Variants in DHTKD1 observed in about 807,000 individuals in gnomAD.
DHTKD1 encodes dehydrogenase E1 and transketolase domain containing 1, also known as 2-oxoadipate dehydrogenase complex component E1.
A neutral mutation model predicts 101.8 loss-of-function variants in DHTKD1; 78 were observed. That is an observed-to-expected ratio of 0.77 (90% CI 0.64 to 0.93). The LOEUF (loss-of-function observed/expected upper bound fraction) is 0.93. Among genes scored for constraint, DHTKD1 ranks in the 40% least tolerant of loss-of-function variants. The pLI is 0.00. For synonymous variants in DHTKD1, 462 were observed against 450.3 expected, an observed-to-expected ratio of 1.03 and a Z score of -0.33; for missense variants, 1,223 against 1,161.7, an observed-to-expected ratio of 1.05 and a Z score of -0.77.
chr10:12,118,872 G>T lies in DHTKD1; in HGVS notation c.2526G>T (p.Pro842=). ...GAGTAGAGGAACTCTGCCCCTTCCC[G>T]TTGGATTCTTTACAGCAAGAGATGA... ...IIRVEELCPF[P]LDSLQQEMSK... Residue 842 remains proline (P), a synonymous_variant, in exon 15 of 17, where the codon CCG becomes CCT. Coordinates refer to ENST00000263035, the MANE Select transcript of DHTKD1 (RefSeq NM_018706.7). The T allele has an allele frequency of 6.2e-7, 1 of 1,605,004 alleles. No individual in the cohort carries two copies. Among genetic ancestry groups the T allele is most frequent in the South Asian group, 1.1e-5 (1 of 89,428 alleles).
intron 5 of DHTKD1, among the ~76,000 whole-genome samples, chr10:12,090,454 TCC>T (rs1832974848): frequency 6.8e-6 from 1 of 146,558 alleles, no homozygotes; most frequent in African/African-American, 2.5e-5. Context: ...CTTCCTTCCT[TCC>T]TTCCTTCCTT....
chr10:12,071,682 C>T (rs1832653032), intron 1 of DHTKD1, among the ~76,000 whole-genome samples: 2 of 152,132 alleles, frequency 1.3e-5, no homozygotes, highest in Non-Finnish European at 1.5e-5. Flanking sequence ...AATCCCCGCA[C>T]TTTGGGAGGC....
intron 11 of DHTKD1, 122 bp downstream of exon 11, chr10:12,106,518 C>T: frequency 7.8e-7 from 1 of 1,276,736 alleles, no homozygotes; most frequent in Non-Finnish European, 1.1e-6. Flanking sequence ...GCGGCGCCTC[C>T]AGGGAGTTGG....
At position 12,120,253 on chromosome 10, in the gene DHTKD1, C is replaced by A; in HGVS notation, c.2644C>A (p.Gln882Lys). The change falls in exon 16 of 17, where the codon CAG becomes AAG. Residue 882 changes from glutamine (Q) to lysine (K), a missense_variant. Gln to Lys is a moderately conservative substitution (Grantham distance 53). Coordinates refer to ENST00000263035, the MANE Select transcript of DHTKD1 (RefSeq NM_018706.7). ...GTTTGTTTCTCCAAGGTTTGAAAAG[C>A]AGCTGGCCTGCAAGGTAATCACACG... ...WSFVSPRFEK[Q>K]LACKLRLVGR... is the part of the protein sequence containing the mutation. The A allele has an allele frequency of 1.9e-6, 3 of 1,613,620 alleles. No homozygotes were observed. The highest frequency in any genetic ancestry group is 2.5e-6 in the Non-Finnish European group (3 of 1,179,686).
chr10:12,081,356 TA>T, intron 1 of DHTKD1, 115 bp from the exon 2 acceptor site: 1 of 719,840 alleles, frequency 1.4e-6, no homozygotes, highest in Non-Finnish European at 2.3e-6. Flanking sequence ...CTAAAATAAA[TA>T]AATAAATAAA....
chr10:12,111,853 C>T (rs1337425592), intron 12 of DHTKD1, among the ~76,000 whole-genome samples: 2 of 152,122 alleles, frequency 1.3e-5, no homozygotes, highest in Non-Finnish European at 2.9e-5. Context: ...ACTAAGGGCC[C>T]ATCTCAGACT....
intron 15 of DHTKD1, among the ~76,000 whole-genome samples, chr10:12,119,254 C>G (rs1254767941): frequency 6.7e-6 from 1 of 150,222 alleles, no homozygotes; most frequent in Admixed American, 6.7e-5. Context: ...TGCAGTGAGC[C>G]GAGATTGTGC....
At chr10:12,119,412 A>C (rs113754478) in intron 15 of DHTKD1, among the ~76,000 whole-genome samples, 8 of 149,768 alleles carry the variant, frequency 5.3e-5, no homozygotes, top group Non-Finnish European at 8.9e-5. Flanking sequence ...TCAGGAGATC[A>C]AGACCATCCT....
intron 7 of DHTKD1, 171 bp downstream of exon 7, chr10:12,094,442 C>T (rs1833038181): frequency 1.6e-6 from 1 of 644,302 alleles, no homozygotes; most frequent in South Asian, 1.9e-5. Context: ...CTCAAGTGAT[C>T]CTCTTGCCTC....
chr10:12,116,030 A>T (rs1017680624), intron 13 of DHTKD1, among the ~76,000 whole-genome samples: 2 of 151,388 alleles, frequency 1.3e-5, no homozygotes, highest in Non-Finnish European at 2.9e-5. Context: ...TCCTGGGTTC[A>T]AGCAATTCTC....
chr10:12,117,549 G>C (rs1833439325), intron 13 of DHTKD1, 124 bp from the exon 14 acceptor site: 1 of 687,572 alleles, frequency 1.5e-6, no homozygotes, highest in Non-Finnish European at 2.6e-6. Context: ...CGTCTATTAG[G>C]ACATGGGTCT....
intron 5 of DHTKD1, among the ~76,000 whole-genome samples, chr10:12,091,030 G>T (rs922622650): frequency 6.6e-6 from 1 of 151,886 alleles, no homozygotes; most frequent in Non-Finnish European, 1.5e-5. Flanking sequence ...CTCCCGCCTG[G>T]GCAACAGAGC....
At chr10:12,072,435 C>T (rs1326939684) in intron 1 of DHTKD1, among the ~76,000 whole-genome samples, 1 of 151,470 alleles carries the variant, frequency 6.6e-6, no homozygotes, top group Middle Eastern at 3.2e-3. Flanking sequence ...GCACTCCAGC[C>T]TGGGTGATAG....
At chr10:12,086,035 A>G (rs891312647) in intron 3 of DHTKD1, among the ~76,000 whole-genome samples, 1 of 151,474 alleles carries the variant, frequency 6.6e-6, no homozygotes, top group African/African-American at 2.4e-5. Context: ...ACACCCAGCT[A>G]ATTTTTGTAT....
At position 12,078,150 on chromosome 10, in the gene DHTKD1, C is replaced by G. The variant is rs138828498; in HGVS notation, c.155-3322C>G. 4.3e-3 allele frequency among the ~76,000 whole-genome samples: 653 copies of G among 152,108 alleles called. 7 individuals carry two copies. The highest frequency in any genetic ancestry group is 0.012 in the African/African-American group (492 of 41,528). On this transcript the variant is annotated intron_variant, in intron 1 of 16. Coordinates refer to ENST00000263035, the MANE Select transcript of DHTKD1 (RefSeq NM_018706.7). The stretch of plus-strand genomic sequence containing the variant: ...TTAGAAATAGAAGCAGTGGGCCAGT[C>G]ACAGTGGCTCATGCCTGTAATCTCA...
Position 12,119,832 on chromosome 10 carries a change from A to G in DHTKD1, c.2573-350A>G, listed in dbSNP as rs115618118. The stretch of plus-strand genomic sequence containing the variant: ...TGTGTACCCCAGAACTTAAAAAAGA[A>G]AAAAGAAAATGCATTGAATACACCT... On this transcript the variant is annotated intron_variant, in intron 15 of 16. Coordinates refer to ENST00000263035, the MANE Select transcript of DHTKD1 (RefSeq NM_018706.7). Among the ~76,000 whole-genome samples, 662 of 152,236 alleles carry G rather than the reference A, an allele frequency of 4.3e-3. 9 individuals carry two copies. Among genetic ancestry groups the G allele is most frequent in the African/African-American group, 0.015 (621 of 41,570 alleles).
intron 12 of DHTKD1, among the ~76,000 whole-genome samples, chr10:12,111,765 T>C (rs1833333529): frequency 6.6e-6 from 1 of 151,894 alleles, no homozygotes; most frequent in Non-Finnish European, 1.5e-5. Flanking sequence ...AGGTCCTGAG[T>C]TTAAAGGTGT....
chr10:12,105,286 AT>A (rs760354599), intron 10 of DHTKD1, among the ~76,000 whole-genome samples: 185 of 152,020 alleles, frequency 1.2e-3, no homozygotes, highest in Non-Finnish European at 2.2e-3. Flanking sequence ...GTAGGACTTT[AT>A]TTTTTAACTT....
chr10:12,100,296 T>TTTTG, intron 9 of DHTKD1, 34 bp downstream of exon 9: 1 of 895,686 alleles, frequency 1.1e-6, no homozygotes. Flanking sequence ...TGTTTTTTTT[T>TTTTG]TTTTTGAGTC....
Sources: allele counts gnomAD v4.1 joint callset (sites outside exome capture counted in the v4.1 genomes callset), GRCh38; gene constraint gnomAD v4.1.1; transcripts MANE v1.5; gene names NCBI Gene and HGNC (gene_info 2026-07-23, HGNC 2026-07-21).